The following PVT1 variants were observed in gnomAD, a reference collection of about 807,000 sequenced individuals.
The protein encoded by PVT1 is Pvt1 oncogene.
chr8:128,098,034 A>G (rs1320457974), intron 6 of PVT1, among the ~76,000 whole-genome samples: 1 of 152,106 alleles, frequency 6.6e-6, no homozygotes, highest in Non-Finnish European at 1.5e-5. Context: ...ACACATCTCC[A>G]TGAGCCAGGC....
intron 2 of PVT1, among the ~76,000 whole-genome samples, chr8:127,831,078 A>T (rs552356637): frequency 1.3e-5 from 2 of 148,326 alleles, no homozygotes; most frequent in Non-Finnish European, 3.0e-5. Context: ...ATATATATAG[A>T]TAAAACTCCT....
At chr8:127,863,494 C>G (rs1336204070) in intron 2 of PVT1, among the ~76,000 whole-genome samples, 2 of 152,156 alleles carry the variant, frequency 1.3e-5, no homozygotes, top group Non-Finnish European at 2.9e-5. Flanking sequence ...ACAAAAAATC[C>G]TACTAACTTC....
intron 2 of PVT1, among the ~76,000 whole-genome samples, chr8:127,869,205 A>G (rs998075964): frequency 4.6e-5 from 7 of 152,004 alleles, no homozygotes; most frequent in Non-Finnish European, 8.8e-5. Context: ...AGTTCGGCTC[A>G]CTGCAACCTC....
Position 127,856,377 on chromosome 8 carries a change from G to A in PVT1, n.373-34212G>A, listed in dbSNP as rs1399168150. ...TTTTTTTCTTTTTTTTTTTTGAGAC[G>A]GAGTCTTGCTCTGGAGTGCAATGGC... On this transcript the variant is annotated intron_variant and non_coding_transcript_variant, in intron 2 of 10. Coordinates refer to ENST00000651587, the Ensembl canonical transcript of PVT1. 8.0e-5 allele frequency among the ~76,000 whole-genome samples: 12 copies of A among 149,866 alleles called. 1 individual carries two copies. Among genetic ancestry groups the A allele is most frequent in the Non-Finnish European group, 1.2e-4 (8 of 67,560 alleles).
At chr8:128,038,300 T>G in intron 4 of PVT1, among the ~76,000 whole-genome samples, 1 of 152,256 alleles carries the variant, frequency 6.6e-6, no homozygotes, top group Non-Finnish European at 1.5e-5. Context: ...GCCTCCATCC[T>G]GTCTTGTCCC....
At chr8:127,931,948 A>G (rs1408486484) in intron 3 of PVT1, among the ~76,000 whole-genome samples, 2 of 152,376 alleles carry the variant, frequency 1.3e-5, no homozygotes, top group East Asian at 1.9e-4. Flanking sequence ...GTGTGACTGC[A>G]TAACAACGGG....
chr8:127,965,798 G>A (rs540136783), intron 3 of PVT1, among the ~76,000 whole-genome samples: 3 of 152,320 alleles, frequency 2.0e-5, no homozygotes, highest in Non-Finnish European at 4.4e-5. Context: ...GGCAGGAGAT[G>A]AGCAGGCTGT....
At chr8:127,940,335 T>C (rs1360771939) in intron 3 of PVT1, 1 of 152,178 alleles carries the variant, frequency 6.6e-6, no homozygotes, top group African/African-American at 2.4e-5. Context: ...TGTTGCCATC[T>C]GGGAACTGGA....
In PVT1 at chr8:127,856,168, C is replaced by T. The variant is rs60488896; in HGVS notation, n.373-34421C>T. Among the ~76,000 whole-genome samples, 998 of 151,922 alleles carry T rather than the reference C, an allele frequency of 6.6e-3. 10 individuals carry two copies. The highest frequency in any genetic ancestry group is 0.023 in the African/African-American group (943 of 41,418). On this transcript the variant is annotated intron_variant and non_coding_transcript_variant, in intron 2 of 10. Transcript: ENST00000651587. ...ACCTGCCCTCTACCCAATGTGTAGA[C>T]GAAAGGATGAGTGTCCTTTTGGTGT...
chr8:128,012,777 C>T (rs946842419), intron 4 of PVT1, among the ~76,000 whole-genome samples: 2 of 152,174 alleles, frequency 1.3e-5, no homozygotes, highest in African/African-American at 4.8e-5. Context: ...GTTCCTAGTC[C>T]TGGCTGTATA....
chr8:127,842,180 AT>A (rs1393281752), intron 2 of PVT1, among the ~76,000 whole-genome samples: 1 of 150,920 alleles, frequency 6.6e-6, no homozygotes, highest in African/African-American at 2.4e-5. Context: ...TCCTCTTTAA[AT>A]TTTTTTTAAG....
At chr8:127,998,041 C>T (rs1021269239) in intron 4 of PVT1, among the ~76,000 whole-genome samples, 4 of 152,290 alleles carry the variant, frequency 2.6e-5, no homozygotes, top group South Asian at 4.1e-4. Context: ...GGTAAAGTTC[C>T]GCTTTTATGA....
At chr8:128,029,130 C>T (rs560234790) in intron 4 of PVT1, among the ~76,000 whole-genome samples, 3 of 151,862 alleles carry the variant, frequency 2.0e-5, no homozygotes, top group East Asian at 1.9e-4. Flanking sequence ...ACAGCACCAC[C>T]ACCATGGCTG....
chr8:128,049,391 G>C (rs892802504), intron 4 of PVT1, among the ~76,000 whole-genome samples: 1 of 152,218 alleles, frequency 6.6e-6, no homozygotes, highest in Non-Finnish European at 1.5e-5. Flanking sequence ...TGCCTGTGTG[G>C]GGCCCTGCCC....
chr8:127,855,101 C>A (rs1669609666), intron 2 of PVT1: 1 of 398,462 alleles, frequency 2.5e-6, no homozygotes, highest in South Asian at 1.3e-4. Flanking sequence ...TTAAGTTTCT[C>A]TCCTCTCTCT....
At chr8:128,022,599 C>G (rs1003525330) in intron 4 of PVT1, among the ~76,000 whole-genome samples, 2 of 152,202 alleles carry the variant, frequency 1.3e-5, no homozygotes, top group African/African-American at 4.8e-5. Context: ...GTTCTTGCTG[C>G]CTCTCCTTTG....
chr8:128,033,109 G>C (rs1813413411), intron 4 of PVT1, among the ~76,000 whole-genome samples: 1 of 152,218 alleles, frequency 6.6e-6, no homozygotes, highest in East Asian at 1.9e-4. Context: ...GAGCTTTGCT[G>C]TCGTCCTTAC....
chr8:128,055,851 G>A (rs761394069), intron 4 of PVT1, among the ~76,000 whole-genome samples: 5 of 152,178 alleles, frequency 3.3e-5, no homozygotes, highest in African/African-American at 4.8e-5. Flanking sequence ...AGATGTGAAA[G>A]TTTCCTAGGA....
chr8:127,846,380 G>A, intron 2 of PVT1, among the ~76,000 whole-genome samples: 1 of 152,230 alleles, frequency 6.6e-6, no homozygotes, highest in Non-Finnish European at 1.5e-5. Context: ...TCTCCAAGGA[G>A]CAGGTAGTAC....
Sources: gnomAD v4.1 joint callset for allele counts (sites outside exome capture counted in the v4.1 genomes callset) on GRCh38, gnomAD v4.1.1 for gene constraint, MANE v1.5 for transcripts, NCBI Gene and HGNC (gene_info 2026-07-23, HGNC 2026-07-21) for gene names.